NBAS: variants seen among roughly 807,000 people sequenced by gnomAD.
The protein encoded by NBAS is NAG/BC035112 fusion.
NBAS carries 219 observed loss-of-function variants against 302.5 expected under a neutral mutation model. The observed-to-expected ratio is 0.72, with a 90% CI of 0.65 to 0.81. The LOEUF (loss-of-function observed/expected upper bound fraction) is 0.81. Ranked by LOEUF, NBAS falls within the 30% of genes least tolerant of loss-of-function variation. The probability of loss-of-function intolerance (pLI) is 0.00; values close to 1 mark genes in which losing one functional copy is unlikely to be tolerated. For missense variants in NBAS, 2,932 were observed against 2,841.6 expected, an observed-to-expected ratio of 1.03 and a Z score of -0.72; for synonymous variants, 1,118 against 1,021.6, an observed-to-expected ratio of 1.09 and a Z score of -1.80.
intron 50 of NBAS, among the ~76,000 whole-genome samples, chr2:15,182,554 A>C (rs111473870): frequency 0.013 from 2,007 of 152,326 alleles, 46 homozygotes; most frequent in Admixed American, 0.06. Flanking sequence ...ATAGACCCCA[A>C]GCATCGGTGA....
chr2:15,178,342 T>C (rs1664653601), intron 51 of NBAS, among the ~76,000 whole-genome samples: 1 of 152,212 alleles, frequency 6.6e-6, no homozygotes, highest in Non-Finnish European at 1.5e-5. Context: ...GTAAGGATCA[T>C]ACAACATGAG....
chr2:14,990,200 G>C, the NBAS span, among the ~76,000 whole-genome samples: 2 of 150,128 alleles, frequency 1.3e-5, no homozygotes, highest in Non-Finnish European at 3.0e-5. Flanking sequence ...AACACCTGAG[G>C]TCAGGAGTTT....
chr2:15,528,553 T>C (rs1268856133), intron 9 of NBAS, among the ~76,000 whole-genome samples: 1 of 149,632 alleles, frequency 6.7e-6, no homozygotes, highest in African/African-American at 2.4e-5. Context: ...AGAAATGTAT[T>C]TTAGACATCA....
At chr2:15,106,453 C>CTCTG in the NBAS span, among the ~76,000 whole-genome samples, 3 of 35,882 alleles carry the variant, frequency 8.4e-5, no homozygotes, top group Non-Finnish European at 3.0e-4. Flanking sequence ...CTGTCTCTGT[C>CTCTG]TCTCTCTCTC....
intron 40 of NBAS, among the ~76,000 whole-genome samples, chr2:15,302,653 T>C (rs1670856079): frequency 6.6e-6 from 1 of 152,124 alleles, no homozygotes; most frequent in Admixed American, 6.5e-5. Context: ...GACAATTTGA[T>C]AGATGTGATG....
intron 14 of NBAS, 58 bp downstream of exon 14, chr2:15,475,629 T>C (rs2148588330): frequency 6.7e-7 from 1 of 1,481,538 alleles, no homozygotes; most frequent in Admixed American, 1.7e-5. Context: ...AAAAACCAGA[T>C]ATTTAAATTT....
the NBAS span, among the ~76,000 whole-genome samples, chr2:15,086,332 G>T: frequency 6.6e-6 from 1 of 152,148 alleles, no homozygotes; most frequent in Non-Finnish European, 1.5e-5. Flanking sequence ...GTGGGAAGGA[G>T]CTACCCCCTA....
chr2:15,329,358 G>C (rs1672217859), intron 36 of NBAS, among the ~76,000 whole-genome samples: 1 of 152,064 alleles, frequency 6.6e-6, no homozygotes, highest in South Asian at 2.1e-4. Flanking sequence ...CCACCAGAAG[G>C]TCTAAAAAAT....
chr2:15,371,747 A>G (rs1459450514), intron 31 of NBAS, among the ~76,000 whole-genome samples: 3 of 152,110 alleles, frequency 2.0e-5, no homozygotes, highest in African/African-American at 7.2e-5. Flanking sequence ...AAGTGCCTAA[A>G]TTTATGTTTA....
chr2:15,173,196 T>C (rs1664376856), intron 51 of NBAS, among the ~76,000 whole-genome samples: 1 of 152,216 alleles, frequency 6.6e-6, no homozygotes, highest in Admixed American at 6.5e-5. Context: ...TTACAGATCT[T>C]GGGAAAGAAA....
intron 48 of NBAS, among the ~76,000 whole-genome samples, chr2:15,218,335 T>C (rs1426553527): frequency 3.7e-5 from 5 of 136,922 alleles, no homozygotes; most frequent in Non-Finnish European, 3.2e-5. Context: ...AAATAGCTGA[T>C]TGATATATAT....
intron 2 of NBAS, among the ~76,000 whole-genome samples, 162 bp from the exon 3 acceptor site, chr2:15,556,981 T>C (rs765229339): frequency 6.6e-6 from 1 of 152,110 alleles, no homozygotes; most frequent in Non-Finnish European, 1.5e-5. Context: ...TAACCTAATA[T>C]ACACTGTAAC....
At chr2:15,528,222 C>G (rs962726827) in intron 9 of NBAS, among the ~76,000 whole-genome samples, 1 of 151,868 alleles carries the variant, frequency 6.6e-6, no homozygotes, top group South Asian at 2.1e-4. Flanking sequence ...AGCAAGCCCA[C>G]GTGCTACCTA....
At chr2:15,535,573 A>T (rs1042558926) in intron 8 of NBAS, among the ~76,000 whole-genome samples, 1 of 144,364 alleles carries the variant, frequency 6.9e-6, no homozygotes, top group East Asian at 1.9e-4. Context: ...TAAAAATAAA[A>T]AAATAAAATA....
At chr2:15,141,676 A>G in the NBAS span, among the ~76,000 whole-genome samples, 116 of 125,080 alleles carry the variant, frequency 9.3e-4, 1 homozygote, top group African/African-American at 4.5e-3. Context: ...TTTCAGCAAA[A>G]TCAATTTTGT....
At chr2:15,440,146 A>C (rs1236041551) in intron 21 of NBAS, among the ~76,000 whole-genome samples, 1 of 152,198 alleles carries the variant, frequency 6.6e-6, no homozygotes, top group Non-Finnish European at 1.5e-5. Context: ...ACAGCTTTGA[A>C]GAGAGCAGTG....
intron 31 of NBAS, among the ~76,000 whole-genome samples, chr2:15,370,842 G>A (rs1674446852): frequency 6.6e-6 from 1 of 152,186 alleles, no homozygotes; most frequent in African/African-American, 2.4e-5. Flanking sequence ...AGGTGGAAGG[G>A]ACTTGTCCTG....
chr2:15,179,518 T>C (rs1313418512), intron 50 of NBAS: 19 of 221,482 alleles, frequency 8.6e-5, no homozygotes, highest in Admixed American at 2.6e-4. Context: ...TTTGTATTGA[T>C]GAACGCAGCA....
At chr2:15,062,195 G>T in the NBAS span, among the ~76,000 whole-genome samples, 1 of 152,168 alleles carries the variant, frequency 6.6e-6, no homozygotes, top group African/African-American at 2.4e-5. Context: ...GTACCCTGTA[G>T]CATTTCTCCA....
Sources: gnomAD v4.1 joint callset for allele counts (sites outside exome capture counted in the v4.1 genomes callset) on GRCh38, gnomAD v4.1.1 for gene constraint, MANE v1.5 for transcripts, NCBI Gene and HGNC (gene_info 2026-07-23, HGNC 2026-07-21) for gene names.